Variants in CNTNAP2 observed in about 807,000 individuals in gnomAD.
CNTNAP2 encodes the protein contactin associated protein 2.
CNTNAP2 carries 98 observed loss-of-function variants against 155.2 expected under a neutral mutation model. The ratio of observed to expected loss-of-function variants is 0.63; its 90% CI spans 0.54 to 0.75. CNTNAP2 has a LOEUF of 0.75. CNTNAP2 is among the 30% of genes least tolerant of loss of function. CNTNAP2 has a pLI of 0.00. For missense variants in CNTNAP2, 1,727 were observed against 1,688.1 expected, an observed-to-expected ratio of 1.02 and a Z score of -0.40; for synonymous variants, 651 against 631.2, an observed-to-expected ratio of 1.03 and a Z score of -0.47.
chr7:146,120,835 C>G (rs952246254), intron 1 of CNTNAP2, among the ~76,000 whole-genome samples: 4 of 152,032 alleles, frequency 2.6e-5, no homozygotes, highest in African/African-American at 4.8e-5. Context: ...AAGCAACAAC[C>G]CATACCAAAT....
At chr7:147,387,722 T>C (rs1796646366) in intron 9 of CNTNAP2, among the ~76,000 whole-genome samples, 2 of 152,212 alleles carry the variant, frequency 1.3e-5, no homozygotes, top group South Asian at 4.1e-4. Context: ...AATTACATTG[T>C]TTGTTATTTT....
chr7:146,456,282 A>G (rs1157895931), intron 1 of CNTNAP2, among the ~76,000 whole-genome samples: 2 of 152,328 alleles, frequency 1.3e-5, no homozygotes, highest in South Asian at 2.1e-4. Context: ...CAGCAAAGCC[A>G]ACTAGGAACA....
In CNTNAP2 at chr7:147,355,810, A is replaced by T. The variant is rs1202516491; in HGVS notation, c.1499-39799A>T. Among the ~76,000 whole-genome samples the T allele has an allele frequency of 2.0e-5, 3 of 152,166 alleles. No individual in the cohort carries two copies. The East Asian group carries it at 5.8e-4, about 29-fold the overall frequency. On this transcript the variant is annotated intron_variant, in intron 9 of 23. Coordinates refer to ENST00000361727, the MANE Select transcript of CNTNAP2 (RefSeq NM_014141.6). ...GGCAGTAATTAATCTACCAACCAAGAAAAGCCAAGGACCACACGAATTCAC... is the reference window on the plus strand; with the variant it reads ...GGCAGTAATTAATCTACCAACCAAGTAAAGCCAAGGACCACACGAATTCAC...
In CNTNAP2 at chr7:147,704,244, C is replaced by A. The variant is rs747705365; in HGVS notation, c.2098+64938C>A. 3.3e-5 allele frequency: 5 copies of A among 152,914 alleles called. No individual in the cohort carries two copies. In the East Asian group the frequency reaches 7.7e-4, roughly 24 times the overall value. 9.5% of individuals were successfully genotyped at this position (152,914 alleles called of 1,614,324 possible). A position where few individuals can be genotyped will look rare whatever the true frequency, so the allele number is the denominator to read the frequency against. On this transcript the variant is annotated intron_variant, in intron 13 of 23. Transcript: ENST00000361727. ...TCGCTTGATTTTCATGCAGCTAAAT[C>A]GGAAATTTGTCGTTTTCTCCCTAAA... is the stretch of plus-strand genomic sequence containing the variant.
intron 13 of CNTNAP2, among the ~76,000 whole-genome samples, chr7:147,864,263 C>G (rs916480271): frequency 6.6e-6 from 1 of 152,084 alleles, no homozygotes; most frequent in Non-Finnish European, 1.5e-5. Flanking sequence ...TTTCTGATGC[C>G]TCTGTTCTGT....
At chr7:146,602,363 C>T (rs1176903379) in intron 1 of CNTNAP2, among the ~76,000 whole-genome samples, 1 of 152,140 alleles carries the variant, frequency 6.6e-6, no homozygotes, top group Non-Finnish European at 1.5e-5. Context: ...AGGTGATCAA[C>T]AGCATCTAAT....
chr7:147,342,053 C>T (rs1336673083), intron 9 of CNTNAP2, among the ~76,000 whole-genome samples: 1 of 152,054 alleles, frequency 6.6e-6, no homozygotes, highest in African/African-American at 2.4e-5. Context: ...TTACAGATGG[C>T]CAGCTTCTCA....
intron 3 of CNTNAP2, among the ~76,000 whole-genome samples, chr7:146,919,827 G>A (rs1796465439): frequency 6.6e-6 from 1 of 152,188 alleles, no homozygotes; most frequent in East Asian, 1.9e-4. Context: ...CTCTTTCAAA[G>A]GGTCTGTGGA....
chr7:147,375,048 A>G (rs1194029379), intron 9 of CNTNAP2, among the ~76,000 whole-genome samples: 3 of 151,876 alleles, frequency 2.0e-5, no homozygotes, highest in African/African-American at 7.3e-5. Flanking sequence ...TGGTTTTATC[A>G]GTGGTGGTTT....
intron 3 of CNTNAP2, among the ~76,000 whole-genome samples, chr7:147,040,208 A>G (rs149289861): frequency 6.6e-6 from 1 of 152,314 alleles, no homozygotes; most frequent in Non-Finnish European, 1.5e-5. Context: ...ATGTAGTTTA[A>G]TAATATAAAT....
chr7:147,450,342 C>T (rs903518137), intron 10 of CNTNAP2, among the ~76,000 whole-genome samples: 2 of 152,190 alleles, frequency 1.3e-5, no homozygotes, highest in Non-Finnish European at 2.9e-5. Flanking sequence ...ACATTATCCT[C>T]ATGCTACAGC....
At chr7:147,153,532 A>G (rs192822823) in intron 8 of CNTNAP2, among the ~76,000 whole-genome samples, 28 of 152,280 alleles carry the variant, frequency 1.8e-4, no homozygotes, top group African/African-American at 6.5e-4. Context: ...TGGGGGAAAA[A>G]CATTCCAGGC....
chr7:147,494,261 A>G (rs1412652649), intron 11 of CNTNAP2, among the ~76,000 whole-genome samples: 1 of 152,156 alleles, frequency 6.6e-6, no homozygotes, highest in African/African-American at 2.4e-5. Flanking sequence ...CAACCAAATA[A>G]ATTACACTGG....
At chr7:147,537,293 A>ACTCTG (rs56863477) in intron 11 of CNTNAP2, among the ~76,000 whole-genome samples, 21 of 152,150 alleles carry the variant, frequency 1.4e-4, no homozygotes, top group African/African-American at 4.8e-4. Context: ...TATTTTGATT[A>ACTCTG]TTAAGCATTC....
At position 147,601,546 on chromosome 7, in the gene CNTNAP2, G is replaced by C. The variant is rs184483577; in HGVS notation, c.1898-37560G>C. On this transcript the variant is annotated intron_variant, in intron 12 of 23. Coordinates refer to ENST00000361727, the MANE Select transcript of CNTNAP2 (RefSeq NM_014141.6). ...TACTTCAGGCCATCTGGATGTATAC[G>C]TGCAGGTCACAGGTGATATGATGGC... Among the ~76,000 whole-genome samples, 588 of 151,086 alleles carry C rather than the reference G, an allele frequency of 3.9e-3. 4 individuals carry two copies. Among genetic ancestry groups the C allele is most frequent in the African/African-American group, 0.014 (565 of 41,130 alleles).
intron 4 of CNTNAP2, among the ~76,000 whole-genome samples, chr7:147,046,123 G>T (rs1799351796): frequency 6.6e-6 from 1 of 152,098 alleles, no homozygotes; most frequent in Non-Finnish European, 1.5e-5. Context: ...AGGTCTGAAA[G>T]GGAACCCAGG....
Position 147,132,255 on chromosome 7 carries a change from G to A in CNTNAP2, c.1094G>A (p.Ser365Asn). 6.2e-7 allele frequency: 1 copy of A among 1,613,594 alleles called. No homozygotes were observed. Among genetic ancestry groups the A allele is most frequent in the Non-Finnish European group, 8.5e-7 (1 of 1,179,694 alleles). Residue 365 changes from serine to asparagine, a missense_variant, in exon 8 of 24, where the codon AGC (serine) becomes AAC (asparagine). By Grantham distance (46) the Ser-to-Asn change is conservative. Transcript: ENST00000361727. Reference sequence around the variant, plus strand: ...CTTTCTATTTTACAGGGAAATTTGAGCTTTTCTTGTGTGGAACCCTATACG... The same window carrying A: ...CTTTCTATTTTACAGGGAAATTTGAACTTTTCTTGTGTGGAACCCTATACG... ...KLEPSNVGNL[S>N]FSCVEPYTVP...
At chr7:146,537,083 T>C (rs1797880550) in intron 1 of CNTNAP2, among the ~76,000 whole-genome samples, 1 of 152,146 alleles carries the variant, frequency 6.6e-6, no homozygotes, top group South Asian at 2.1e-4. Flanking sequence ...GGGGAGAAAA[T>C]CAACAATTTA....
chr7:147,527,521 T>A (rs1799350132), intron 11 of CNTNAP2, among the ~76,000 whole-genome samples: 1 of 152,224 alleles, frequency 6.6e-6, no homozygotes, highest in African/African-American at 2.4e-5. Flanking sequence ...TGTATGAAAG[T>A]CCCTGTAAAT....
Sources: gnomAD v4.1 joint callset for allele counts (sites outside exome capture counted in the v4.1 genomes callset) on GRCh38, gnomAD v4.1.1 for gene constraint, MANE v1.5 for transcripts, NCBI Gene and HGNC (gene_info 2026-07-23, HGNC 2026-07-21) for gene names.